Variants in CCDC141 observed in about 807,000 individuals in gnomAD.
CCDC141 encodes the protein coiled-coil domain-containing protein 141.
Under a neutral mutation model 181.0 loss-of-function variants are expected in CCDC141, and 168 were observed. That is an observed-to-expected ratio of 0.93 (90% confidence interval 0.82 to 1.05). The LOEUF (loss-of-function observed/expected upper bound fraction) is 1.05, where lower values mean the gene tolerates loss of function less well. Ranked by LOEUF, CCDC141 falls within the 50% of genes least tolerant of loss-of-function variation. The pLI, the probability that CCDC141 is intolerant of heterozygous loss-of-function variation, is 0.00. For missense variants in CCDC141, 1,902 were observed against 1,788.5 expected, an observed-to-expected ratio of 1.06 and a Z score of -1.14; for synonymous variants, 666 against 642.3, an observed-to-expected ratio of 1.04 and a Z score of -0.56.
chr2:178,854,468 G>A (rs1489205745), intron 19 of CCDC141, among the ~76,000 whole-genome samples: 1 of 152,180 alleles, frequency 6.6e-6, no homozygotes, highest in Non-Finnish European at 1.5e-5. Flanking sequence ...AGCTTGCAGT[G>A]AGTCGAGATC....
chr2:178,956,384 C>A (rs1690162195), intron 5 of CCDC141, among the ~76,000 whole-genome samples: 9 of 152,142 alleles, frequency 5.9e-5, no homozygotes, highest in Admixed American at 5.9e-4. Flanking sequence ...GCAGCTTTGG[C>A]CTCCTGGGCT....
intron 8 of CCDC141, among the ~76,000 whole-genome samples, chr2:178,894,688 C>A (rs1052940940): frequency 1.3e-5 from 2 of 151,584 alleles, no homozygotes; most frequent in Non-Finnish European, 2.9e-5. Flanking sequence ...AGAGAAAATA[C>A]CCTGAGGACC....
chr2:178,930,965 C>G (rs1409142354), intron 6 of CCDC141, among the ~76,000 whole-genome samples: 1 of 152,024 alleles, frequency 6.6e-6, no homozygotes. Flanking sequence ...AAAACTTTAT[C>G]AAAATTAAAA....
intron 2 of CCDC141, among the ~76,000 whole-genome samples, chr2:178,992,511 A>G (rs1414264432): frequency 2.0e-5 from 3 of 151,922 alleles, no homozygotes; most frequent in Admixed American, 1.3e-4. Flanking sequence ...ACTTAATTAT[A>G]TTATTGTTCC....
chr2:178,989,217 C>T (rs894512922), intron 2 of CCDC141, among the ~76,000 whole-genome samples: 2 of 151,680 alleles, frequency 1.3e-5, no homozygotes, highest in African/African-American at 2.4e-5. Context: ...AAAGAAAATC[C>T]TTAGAATGGG....
chr2:178,866,914 C>A (rs372322077), intron 16 of CCDC141, among the ~76,000 whole-genome samples: 1 of 152,082 alleles, frequency 6.6e-6, no homozygotes, highest in Non-Finnish European at 1.5e-5. Context: ...TTAGTAGAGA[C>A]GGAGTTTTGC....
intron 8 of CCDC141, among the ~76,000 whole-genome samples, chr2:178,897,160 A>G (rs1687450412): frequency 6.6e-6 from 1 of 152,118 alleles, no homozygotes; most frequent in African/African-American, 2.4e-5. Context: ...ATTTTTTCAT[A>G]GTACTCATTG....
intron 20 of CCDC141, among the ~76,000 whole-genome samples, chr2:178,851,099 G>A (rs915495832): frequency 2.0e-5 from 3 of 151,724 alleles, no homozygotes; most frequent in Admixed American, 2.0e-4. Context: ...TCAGCTACTC[G>A]GGAGGCTGAG....
intron 5 of CCDC141, among the ~76,000 whole-genome samples, chr2:178,959,694 G>C (rs1690313932): frequency 6.6e-6 from 1 of 152,156 alleles, no homozygotes. Context: ...AGAAGCGGCA[G>C]CAGTCAGGGT....
intron 2 of CCDC141, among the ~76,000 whole-genome samples, chr2:179,028,861 C>T (rs917198506): frequency 4.6e-5 from 7 of 152,134 alleles, no homozygotes; most frequent in African/African-American, 1.4e-4. Flanking sequence ...CCAAATTTCC[C>T]ATTCAAGTCC....
Position 178,855,363 on chromosome 2 carries a change from T to A in CCDC141, c.3044A>T (p.Gln1015Leu). Residue 1015 changes from glutamine to leucine, a missense_variant, in exon 19 of 24, where the codon CAG (glutamine) becomes CTG (leucine). Gln to Leu is a moderately radical substitution (Grantham distance 113, BLOSUM62 -2). Coordinates refer to ENST00000443758, the MANE Select transcript of CCDC141 (RefSeq NM_173648.4). Reference protein sequence around the residue: ...KKNLDLTEHFQEVIEECHFWY... With the variant: ...KKNLDLTEHFLEVIEECHFWY... Reference sequence around the variant, plus strand: ...AGAGAATACCTCTTCTATCACCTCCTGGAAATGCTCAGTCAGGTCCAAATT... The same window carrying A: ...AGAGAATACCTCTTCTATCACCTCCAGGAAATGCTCAGTCAGGTCCAAATT... The A allele has an allele frequency of 3.1e-6, 5 of 1,610,132 alleles. No homozygotes were observed. Among genetic ancestry groups the A allele is most frequent in the Non-Finnish European group, 4.2e-6 (5 of 1,178,860 alleles).
rs529005690 is a variant in CCDC141, at chr2:178,918,599, T to G, written c.1092+114A>C. The G allele has an allele frequency of 3.9e-6, 3 of 767,738 alleles. No homozygotes were observed. In the South Asian group the frequency reaches 7.0e-5, roughly 18 times the overall value. 47.6% of individuals were successfully genotyped at this position (767,738 alleles called of 1,614,324 possible). A position where few individuals can be genotyped will look rare whatever the true frequency, so the allele number is the denominator to read the frequency against. ...AAAGCTCTCTTTGCTGCTATCAGTT[T>G]TGAAATTTTACATGGCGTTTTGACT... On this transcript the variant is annotated intron_variant, in intron 7 of 23. Transcript: ENST00000443758.
intron 16 of CCDC141, among the ~76,000 whole-genome samples, chr2:178,867,824 C>T (rs1685919750): frequency 6.6e-6 from 1 of 152,060 alleles, no homozygotes; most frequent in African/African-American, 2.4e-5. Flanking sequence ...TAGAGGTATT[C>T]AACAAGACTT....
At chr2:178,822,005 C>G in the CCDC141 span, among the ~76,000 whole-genome samples, 1 of 152,122 alleles carries the variant, frequency 6.6e-6, no homozygotes, top group African/African-American at 2.4e-5. Context: ...TTGGAACCAG[C>G]CCAAATGTCC....
chr2:178,838,417 C>T (rs1447027060), intron 22 of CCDC141, among the ~76,000 whole-genome samples: 3 of 152,124 alleles, frequency 2.0e-5, no homozygotes, highest in African/African-American at 4.8e-5. Context: ...TGTCTTCCCC[C>T]GACTCAGCCT....
chr2:178,916,315 T>C (rs78038691), intron 7 of CCDC141, among the ~76,000 whole-genome samples: 1,785 of 152,242 alleles, frequency 0.012, 42 homozygotes, highest in African/African-American at 0.041. Flanking sequence ...ATTATATTAA[T>C]TTTAAAACTT....
At chr2:178,834,514 G>A (rs1684395331) in intron 23 of CCDC141, 74 bp from the exon 24 acceptor site, 1 of 1,460,476 alleles carries the variant, frequency 6.8e-7, no homozygotes, top group Admixed American at 2.0e-5. Context: ...AATAATGCTT[G>A]CAAATAGGCC....
At chr2:178,941,891 T>A (rs1689529181) in intron 6 of CCDC141, among the ~76,000 whole-genome samples, 1 of 132,854 alleles carries the variant, frequency 7.5e-6, no homozygotes, top group African/African-American at 2.8e-5. Flanking sequence ...GCCCAGGATT[T>A]CGAGGCTGCG....
rs150285263 is a variant in CCDC141 at position 178,945,554 on chromosome 2, C to T, written c.781-903G>A. On this transcript the variant is annotated intron_variant, in intron 5 of 23. Transcript: ENST00000443758. ...CCTCCAGTCTGCAGGATTTCAAATC[C>T]ATGCTCTTTCCATTGTGCCCTGCTG... Among the ~76,000 whole-genome samples the T allele has an allele frequency of 5.5e-4, 83 of 152,242 alleles. 1 individual carries two copies. The East Asian group carries it at 9.1e-3, about 17-fold the overall frequency.
Sources: allele counts gnomAD v4.1 joint callset (sites outside exome capture counted in the v4.1 genomes callset), GRCh38; gene constraint gnomAD v4.1.1; transcripts MANE v1.5; gene names NCBI Gene and HGNC (gene_info 2026-07-23, HGNC 2026-07-21).